KIAA1217: variants seen among roughly 807,000 people sequenced by gnomAD.
KIAA1217 encodes the protein sickle tail protein homolog.
KIAA1217 carries 88 observed loss-of-function variants against 163.9 expected under a neutral mutation model. The ratio of observed to expected loss-of-function variants is 0.54; its 90% CI spans 0.45 to 0.64. The LOEUF is 0.64. Among genes scored for constraint, KIAA1217 ranks in the 30% least tolerant of loss-of-function variants. The probability of loss-of-function intolerance (pLI) is 0.00; values close to 1 mark genes in which losing one functional copy is unlikely to be tolerated. For synonymous variants in KIAA1217, 903 were observed against 923.1 expected, an observed-to-expected ratio of 0.98 and a Z score of 0.39; for missense variants, 2,372 against 2,475.0, an observed-to-expected ratio of 0.96 and a Z score of 0.88.
At chr10:24,544,589 CTTTT>C in intron 19 of KIAA1217, 108 bp downstream of exon 19, 3 of 1,102,628 alleles carry the variant, frequency 2.7e-6, no homozygotes, top group South Asian at 1.9e-5. Flanking sequence ...TTTCAGGTGG[CTTTT>C]TTTTTTTTGT....
chr10:24,194,249 C>T (rs989041618), intron 2 of KIAA1217, among the ~76,000 whole-genome samples: 1 of 150,300 alleles, frequency 6.7e-6, no homozygotes, highest in South Asian at 2.1e-4. Flanking sequence ...ACCTATGAAA[C>T]CTTTCCCACC....
At chr10:23,740,336 G>A (rs939962883) in intron 1 of KIAA1217, among the ~76,000 whole-genome samples, 1 of 152,122 alleles carries the variant, frequency 6.6e-6, no homozygotes, top group African/African-American at 2.4e-5. Flanking sequence ...CTCCTGTGGT[G>A]TAGGTTATGT....
intron 2 of KIAA1217, among the ~76,000 whole-genome samples, chr10:24,147,862 A>AAG (rs1564755588): frequency 7.0e-6 from 1 of 143,532 alleles, no homozygotes; most frequent in Non-Finnish European, 1.5e-5. Flanking sequence ...AAAAAAAAAA[A>AAG]GAAAGAAAGA....
intron 2 of KIAA1217, among the ~76,000 whole-genome samples, chr10:24,166,143 C>A (rs759681692): frequency 6.6e-6 from 1 of 151,772 alleles, no homozygotes; most frequent in Non-Finnish European, 1.5e-5. Context: ...TTCAAGGATA[C>A]TTTTTAATAA....
At chr10:23,940,479 A>G (rs1043412616) in intron 1 of KIAA1217, among the ~76,000 whole-genome samples, 28 of 150,876 alleles carry the variant, frequency 1.9e-4, no homozygotes, top group African/African-American at 3.2e-4. Flanking sequence ...AAAAAAAAAA[A>G]AAAAAGAAAA....
intron 6 of KIAA1217, among the ~76,000 whole-genome samples, chr10:24,480,732 A>C (rs1268928038): frequency 1.3e-5 from 2 of 152,228 alleles, no homozygotes; most frequent in African/African-American, 4.8e-5. Flanking sequence ...AACTCCCCGA[A>C]GAAGCAGGGA....
At chr10:24,425,651 A>G (rs2059116496) in intron 3 of KIAA1217, among the ~76,000 whole-genome samples, 2 of 152,194 alleles carry the variant, frequency 1.3e-5, no homozygotes, top group Non-Finnish European at 2.9e-5. Context: ...TCAATCCCCT[A>G]TTGTTGGAGA....
intron 1 of KIAA1217, among the ~76,000 whole-genome samples, chr10:24,212,777 G>A (rs916628982): frequency 6.6e-6 from 1 of 152,154 alleles, no homozygotes; most frequent in Admixed American, 6.6e-5. Context: ...ATGACAATGT[G>A]ATATTCCACA....
At chr10:23,742,571 A>C (rs572996240) in intron 1 of KIAA1217, among the ~76,000 whole-genome samples, 3 of 152,284 alleles carry the variant, frequency 2.0e-5, no homozygotes, top group Admixed American at 6.5e-5. Flanking sequence ...GAAGTGAGAG[A>C]AAGAGTGGAG....
intron 1 of KIAA1217, among the ~76,000 whole-genome samples, chr10:23,849,127 T>G (rs548763757): frequency 2.1e-4 from 32 of 152,192 alleles, no homozygotes; most frequent in African/African-American, 7.5e-4. Context: ...TTCTTCATAA[T>G]TAGCTTGCAT....
intron 1 of KIAA1217, among the ~76,000 whole-genome samples, chr10:23,724,760 T>A (rs753618404): frequency 7.9e-5 from 12 of 152,218 alleles, no homozygotes; most frequent in Non-Finnish European, 4.4e-5. Context: ...TTCATGTACA[T>A]TTTTTATTTC....
At chr10:24,209,070 G>T (rs1414051489), upstream of KIAA1217, 4 of 719,658 alleles carry the variant, frequency 5.6e-6, no homozygotes, top group Non-Finnish European at 9.5e-6. Flanking sequence ...ATAGTTTGGG[G>T]TGGGGTTTCG....
chr10:23,989,935 C>T (rs531081143), intron 1 of KIAA1217, among the ~76,000 whole-genome samples: 32 of 152,302 alleles, frequency 2.1e-4, no homozygotes, highest in African/African-American at 6.0e-4. Context: ...CCTGCTAAGA[C>T]TTTAGCAAGG....
intron 1 of KIAA1217, among the ~76,000 whole-genome samples, chr10:23,917,745 C>T (rs551630543): frequency 5.6e-4 from 85 of 152,298 alleles, no homozygotes; most frequent in African/African-American, 2.0e-3. Context: ...GTGTCTGTTT[C>T]TCGCTCCCAC....
intron 19 of KIAA1217, 124 bp from the exon 20 acceptor site, chr10:24,544,857 C>T: frequency 9.8e-7 from 1 of 1,023,462 alleles, no homozygotes; most frequent in East Asian, 2.4e-5. Context: ...TCTCCTAGAT[C>T]TGTCCTGCAT....
At chr10:24,330,763 T>C (rs2045568685) in intron 2 of KIAA1217, among the ~76,000 whole-genome samples, 1 of 151,102 alleles carries the variant, frequency 6.6e-6, no homozygotes, top group South Asian at 2.1e-4. Context: ...TACAGGTGCA[T>C]GCCACCACAC....
At chr10:24,230,502 G>GC (rs1190436596) in intron 2 of KIAA1217, among the ~76,000 whole-genome samples, 34 of 90,640 alleles carry the variant, frequency 3.8e-4, no homozygotes, top group Admixed American at 3.7e-3. Context: ...TATTTGTTTT[G>GC]TTTTTTTTTT....
At chr10:24,483,288 T>G (rs1417634847) in intron 6 of KIAA1217, among the ~76,000 whole-genome samples, 2 of 152,174 alleles carry the variant, frequency 1.3e-5, no homozygotes, top group Non-Finnish European at 2.9e-5. Context: ...AGCCACCCAC[T>G]GGGCCACTCC....
At chr10:24,238,672 A>T (rs2072625249) in intron 2 of KIAA1217, among the ~76,000 whole-genome samples, 1 of 152,158 alleles carries the variant, frequency 6.6e-6, no homozygotes, top group Non-Finnish European at 1.5e-5. Flanking sequence ...GCTGGTAAAA[A>T]GTTCTAGGAA....
Sources: allele counts gnomAD v4.1 joint callset (sites outside exome capture counted in the v4.1 genomes callset), GRCh38; gene constraint gnomAD v4.1.1; transcripts MANE v1.5; gene names NCBI Gene and HGNC (gene_info 2026-07-23, HGNC 2026-07-21).